LRRC7: variants seen among roughly 807,000 people sequenced by gnomAD.
LRRC7 encodes the protein leucine-rich repeat-containing protein 7.
LRRC7 carries 23 observed loss-of-function variants against 175.7 expected under a neutral mutation model. The ratio of observed to expected loss-of-function variants is 0.13; its 90% confidence interval spans 0.09 to 0.19. LRRC7 has a LOEUF of 0.19. LRRC7 is among the 10% of genes least tolerant of loss of function. LRRC7 has a pLI of 1.00. For synonymous variants in LRRC7, 685 were observed against 680.9 expected, an observed-to-expected ratio of 1.01 and a Z score of -0.09; for missense variants, 1,354 against 1,904.7, an observed-to-expected ratio of 0.71 and a Z score of 5.38.
intron 2 of LRRC7, among the ~76,000 whole-genome samples, chr1:69,719,332 A>G (rs1186355804): frequency 6.6e-6 from 1 of 151,760 alleles, no homozygotes; most frequent in Non-Finnish European, 1.5e-5. Context: ...GAATGAATGA[A>G]AGAATGAATC....
rs1419916863 is a variant in LRRC7, at chr1:69,738,141, T to C, written c.101-22050T>C. Among the ~76,000 whole-genome samples, 3 of 152,190 alleles carry C rather than the reference T, an allele frequency of 2.0e-5. No homozygotes were observed. The East Asian group carries it at 5.8e-4, about 30-fold the overall frequency. On this transcript the variant is annotated intron_variant, in intron 2 of 26. Transcript: ENST00000651989. ...TGAATTTCTTAAGGAGGACCATCTA[T>C]GTCTCACTGAGACCACCAAAAATGG...
At chr1:69,717,845 GA>G (rs1557641450) in intron 2 of LRRC7, among the ~76,000 whole-genome samples, 1 of 24,992 alleles carries the variant, frequency 4.0e-5, no homozygotes, top group Non-Finnish European at 6.7e-5. Context: ...AAAGAAAAAA[GA>G]AAGAAAGGAA....
At chr1:69,864,165 A>G (rs1684657895) in intron 7 of LRRC7, among the ~76,000 whole-genome samples, 1 of 152,214 alleles carries the variant, frequency 6.6e-6, no homozygotes, top group Non-Finnish European at 1.5e-5. Context: ...TAGAAAAAAA[A>G]GAAGAAAATA....
intron 1 of LRRC7, among the ~76,000 whole-genome samples, chr1:69,662,285 A>G (rs1245941728): frequency 6.6e-6 from 1 of 152,190 alleles, no homozygotes; most frequent in East Asian, 1.9e-4. Context: ...ATAAATATTT[A>G]ATGTTTGCTG....
At chr1:69,646,079 G>A (rs1654967923) in intron 1 of LRRC7, among the ~76,000 whole-genome samples, 1 of 151,888 alleles carries the variant, frequency 6.6e-6, no homozygotes, top group Admixed American at 6.6e-5. Context: ...GTACATAATG[G>A]CTAATTGGAC....
chr1:69,975,849 G>T (rs1175105226), intron 8 of LRRC7, among the ~76,000 whole-genome samples: 2 of 150,982 alleles, frequency 1.3e-5, no homozygotes, highest in Non-Finnish European at 2.9e-5. Flanking sequence ...CCCTCCCCTT[G>T]TGCTGTCAAT....
At chr1:69,928,190 C>T (rs1279629228) in intron 7 of LRRC7, among the ~76,000 whole-genome samples, 4 of 152,170 alleles carry the variant, frequency 2.6e-5, no homozygotes, top group Middle Eastern at 3.4e-3. Flanking sequence ...AGTACCCGGC[C>T]GTGTGAGGTG....
chr1:69,823,384 A>G (rs1679525254), intron 4 of LRRC7, among the ~76,000 whole-genome samples: 1 of 152,126 alleles, frequency 6.6e-6, no homozygotes. Context: ...TGATTCTTCT[A>G]TAGTTTTTCT....
intron 8 of LRRC7, among the ~76,000 whole-genome samples, chr1:69,948,792 C>T (rs1190877257): frequency 6.6e-6 from 1 of 152,176 alleles, no homozygotes; most frequent in East Asian, 1.9e-4. Context: ...CTTTACTTGA[C>T]AGCAAGACGT....
At chr1:69,806,105 C>A (rs1053018666) in intron 4 of LRRC7, among the ~76,000 whole-genome samples, 1 of 151,952 alleles carries the variant, frequency 6.6e-6, no homozygotes, top group African/African-American at 2.4e-5. Flanking sequence ...TCAGTGTAAA[C>A]TCCTTGAAAA....
At chr1:69,837,081 T>C (rs1425636963) in intron 6 of LRRC7, among the ~76,000 whole-genome samples, 1 of 151,920 alleles carries the variant, frequency 6.6e-6, no homozygotes, top group Non-Finnish European at 1.5e-5. Context: ...TAGTGTGTCC[T>C]AGACTGCAAA....
intron 2 of LRRC7, among the ~76,000 whole-genome samples, chr1:69,747,942 A>C (rs2100883288): frequency 6.6e-6 from 1 of 152,266 alleles, no homozygotes; most frequent in South Asian, 2.1e-4. Context: ...TCCTTGCAGA[A>C]GGACTCTTGA....
At chr1:69,740,314 C>T (rs1344854231) in intron 2 of LRRC7, among the ~76,000 whole-genome samples, 1 of 152,064 alleles carries the variant, frequency 6.6e-6, no homozygotes, top group African/African-American at 2.4e-5. Context: ...GCTGTGTCCT[C>T]ATGGGGACTT....
intron 2 of LRRC7, among the ~76,000 whole-genome samples, chr1:69,693,436 C>T (rs529891713): frequency 1.3e-5 from 2 of 152,208 alleles, no homozygotes; most frequent in East Asian, 1.9e-4. Flanking sequence ...ACAGGCAAGT[C>T]CAAAATCTGC....
At chr1:70,110,410 A>G (rs1488080751) in intron 26 of LRRC7, among the ~76,000 whole-genome samples, 4 of 152,144 alleles carry the variant, frequency 2.6e-5, no homozygotes, top group African/African-American at 9.7e-5. Flanking sequence ...TAAAGACATT[A>G]GTGTCTACTT....
rs373883230 is a variant in LRRC7, at chr1:69,994,664, T to A, written c.1004+31T>A. The A allele has an allele frequency of 1.7e-3, 2,461 of 1,485,162 alleles. 25 individuals are homozygous for A. Among genetic ancestry groups the A allele is most frequent in the South Asian group, 0.016 (1,423 of 87,698 alleles). The allele number at this position is 1,485,162 out of a possible 1,614,324, so 92.0% of individuals were successfully genotyped here. ...TGCCAACTTTTCATTCCAGTCTGCC[T>A]CTCAAAAGCCAGAAACTAAAGGATA... On this transcript the variant is annotated intron_variant, in intron 11 of 26. Coordinates refer to ENST00000651989, the MANE Select transcript of LRRC7 (RefSeq NM_001370785.2).
chr1:69,702,288 A>G (rs773608617), intron 2 of LRRC7, among the ~76,000 whole-genome samples: 10 of 152,224 alleles, frequency 6.6e-5, no homozygotes, highest in Non-Finnish European at 1.5e-4. Flanking sequence ...AGCAAGACAG[A>G]ACACATCATC....
chr1:69,821,155 G>A (rs1421856527), intron 4 of LRRC7, among the ~76,000 whole-genome samples: 1 of 152,156 alleles, frequency 6.6e-6, no homozygotes, highest in Non-Finnish European at 1.5e-5. Flanking sequence ...CTACATAAAT[G>A]TATTTCTTTA....
At chr1:70,028,657 T>C (rs574968217) in intron 18 of LRRC7, among the ~76,000 whole-genome samples, 1 of 152,234 alleles carries the variant, frequency 6.6e-6, no homozygotes, top group African/African-American at 2.4e-5. Flanking sequence ...ATCATATTAG[T>C]GACATTATTT....
Sources: gnomAD v4.1 joint callset for allele counts (sites outside exome capture counted in the v4.1 genomes callset) on GRCh38, gnomAD v4.1.1 for gene constraint, MANE v1.5 for transcripts, NCBI Gene and HGNC (gene_info 2026-07-23, HGNC 2026-07-21) for gene names.